Variants in TRAPPC10 observed in about 807,000 individuals in gnomAD.
TRAPPC10 encodes TRAPP 130 kDa subunit.
In TRAPPC10, 23 loss-of-function variants were observed where a neutral mutation model predicts 125.5. That is an observed-to-expected ratio of 0.18 (90% CI 0.13 to 0.26). The LOEUF is 0.26. TRAPPC10 is among the 10% of genes least tolerant of loss of function. TRAPPC10 has a pLI of 1.00. For synonymous variants in TRAPPC10, 509 were observed against 518.0 expected (o/e 0.98, Z 0.24); for missense variants, 1,123 against 1,308.4 (o/e 0.86, Z 2.19).
intron 7 of TRAPPC10, among the ~76,000 whole-genome samples, chr21:44,073,549 A>G (rs1035924533): frequency 5.9e-5 from 9 of 152,170 alleles, no homozygotes; most frequent in African/African-American, 1.7e-4. Context: ...TTTAAGTGGA[A>G]AGGCTCAAGT....
chr21:44,066,401 TTAAGAA>T (rs977786451), intron 7 of TRAPPC10, among the ~76,000 whole-genome samples: 1 of 152,226 alleles, frequency 6.6e-6, no homozygotes, highest in Middle Eastern at 3.4e-3. Context: ...GGAAAATGTG[TTAAGAA>T]TGGAGATTGT....
Position 44,063,218 on chromosome 21 carries a change from C to T in TRAPPC10, c.791-320C>T, listed in dbSNP as rs1218406695. The T allele has an allele frequency of 2.4e-6, 3 of 1,267,204 alleles. No homozygotes were observed. Among genetic ancestry groups the T allele is most frequent in the Admixed American group, 6.0e-5 (2 of 33,406 alleles). 78.5% of individuals were successfully genotyped at this position (1,267,204 alleles called of 1,614,324 possible). A position where few individuals can be genotyped will look rare whatever the true frequency, so the allele number is the denominator to read the frequency against. ...GCTGCAGCCTAAGACTAGAGCCCTC[C>T]CTCGGCCTGAGACAGAGCCTGAGCT... On this transcript the variant is annotated intron_variant, in intron 6 of 22. Transcript: ENST00000291574. This position sits in a 1 kb window ranked among gnomAD's most constrained non-coding sequence, Gnocchi z 4.4.
At chr21:44,036,577 C>T (rs2247400) in intron 2 of TRAPPC10, among the ~76,000 whole-genome samples, 54,120 of 152,068 alleles carry the variant, frequency 0.36, 14,937 homozygotes, top group African/African-American at 0.77. Context: ...TGTCATGATA[C>T]GGAGATAGGT....
rs373284344 is a variant in TRAPPC10, at chr21:44,015,835, A to C, written c.67+3275A>C. 3.8e-4 allele frequency among the ~76,000 whole-genome samples: 58 copies of C among 152,082 alleles called. 1 individual carries two copies. The highest frequency in any genetic ancestry group is 1.4e-3 in the African/African-American group (56 of 41,442). The stretch of plus-strand genomic sequence containing the variant: ...CACCTTGTTGGCCAGGCAGGTCTAG[A>C]ACTCCTGACCTCAGGTGACCTGCCC... On this transcript the variant is annotated intron_variant, in intron 1 of 22. Coordinates refer to ENST00000291574, the MANE Select transcript of TRAPPC10 (RefSeq NM_003274.5).
intron 6 of TRAPPC10, chr21:44,060,053 G>C (rs1431293300): frequency 6.5e-6 from 1 of 154,896 alleles, no homozygotes; most frequent in Non-Finnish European, 1.4e-5. Context: ...AGAACCTGGA[G>C]GGAGATGAAG....
Position 44,081,985 on chromosome 21 carries a change from G to T in TRAPPC10, c.1724-803G>T, listed in dbSNP as rs553276377. 3.9e-5 allele frequency among the ~76,000 whole-genome samples: 6 copies of T among 152,312 alleles called. No individual in the cohort carries two copies. The East Asian group carries it at 1.2e-3, about 29-fold the overall frequency. The stretch of plus-strand genomic sequence containing the variant: ...GCCCAAGCTGACTGTTGGTAGAGCC[G>T]TGACCACATCTGCTGCTGCTTTGTA... On this transcript the variant is annotated intron_variant, in intron 13 of 22. Transcript: ENST00000291574.
In TRAPPC10 at chr21:44,063,970, A is replaced by C. The variant is rs980784399; in HGVS notation, c.1038+185A>C. 1.3e-5 allele frequency among the ~76,000 whole-genome samples: 2 copies of C among 152,080 alleles called. No individual in the cohort carries two copies. The highest frequency in any genetic ancestry group is 2.9e-5 in the Non-Finnish European group (2 of 68,012). ...CGTTGATAAATTGCTCAAAAATAGA[A>C]CTCTGTTCTCAACATGCTGGAGTTT... is the stretch of plus-strand genomic sequence containing the variant. On this transcript the variant is annotated intron_variant, in intron 7 of 22. Transcript: ENST00000291574. This position sits in a 1 kb window ranked among gnomAD's most constrained non-coding sequence, Gnocchi z 4.4.
chr21:44,037,734 C>T (rs2034094230), intron 2 of TRAPPC10, 58 bp from the exon 3 acceptor site: 5 of 1,568,292 alleles, frequency 3.2e-6, no homozygotes, highest in Admixed American at 1.8e-5. Context: ...TCTATTTCCC[C>T]TCTTCTGATG....
At chr21:44,020,277 C>G (rs2032364314) in intron 1 of TRAPPC10, among the ~76,000 whole-genome samples, 1 of 151,918 alleles carries the variant, frequency 6.6e-6, no homozygotes, top group Non-Finnish European at 1.5e-5. Context: ...CAGGCGCCCA[C>G]CACCACACCT....
intron 1 of TRAPPC10, among the ~76,000 whole-genome samples, chr21:44,027,746 C>G (rs2033199450): frequency 6.6e-6 from 1 of 152,106 alleles, no homozygotes; most frequent in Admixed American, 6.6e-5. Context: ...AGCAGCTGTT[C>G]CATGACCCTA....
At chr21:44,039,185 G>T (rs1225071509) in intron 3 of TRAPPC10, among the ~76,000 whole-genome samples, 1 of 152,204 alleles carries the variant, frequency 6.6e-6, no homozygotes. Flanking sequence ...CTCACCCAGT[G>T]GTGATTCTTT....
intron 12 of TRAPPC10, 26 bp downstream of exon 12, chr21:44,079,730 A>C: frequency 6.3e-7 from 1 of 1,593,590 alleles, no homozygotes; most frequent in Non-Finnish European, 8.5e-7. Context: ...TTCATGAAGC[A>C]GGAAAATTAT....
intron 6 of TRAPPC10, chr21:44,060,274 T>TC (rs1214121147): frequency 1.1e-4 from 14 of 129,784 alleles, no homozygotes; most frequent in Non-Finnish European, 1.9e-4. Flanking sequence ...ATTTTATGTG[T>TC]CTTTTTTTTT....
At chr21:44,090,968 G>A (rs972142743) in intron 18 of TRAPPC10, among the ~76,000 whole-genome samples, 11 of 152,308 alleles carry the variant, frequency 7.2e-5, no homozygotes, top group East Asian at 1.9e-4. Context: ...CGAGGCAGGC[G>A]GATCACGAGG....
intron 3 of TRAPPC10, among the ~76,000 whole-genome samples, chr21:44,041,410 C>T (rs1190996336): frequency 6.6e-6 from 1 of 151,670 alleles, no homozygotes; most frequent in African/African-American, 2.4e-5. Flanking sequence ...GAGTTTCGCT[C>T]TTCTTGCCCA....
chr21:44,076,719 G>T, intron 10 of TRAPPC10, 91 bp downstream of exon 10: 1 of 1,134,580 alleles, frequency 8.8e-7, no homozygotes. Context: ...GAAGGAACTG[G>T]TGTGGGGGGC....
rs201619585 is a variant in TRAPPC10 at position 44,014,597 on chromosome 21, T to TTG, written c.67+2038_67+2039insGT. ...ATTTTTTGTTTGTTTGTTTTTGTTTTTTTTTTTTTTCAGTAGAGACAGAGT... is the reference window on the plus strand; with the variant it reads ...ATTTTTTGTTTGTTTGTTTTTGTTTTTGTTTTTTTTTTCAGTAGAGACAGAGT... On this transcript the variant is annotated intron_variant, in intron 1 of 22. Transcript: ENST00000291574. 6.4e-4 allele frequency among the ~76,000 whole-genome samples: 97 copies of TTG among 150,958 alleles called. 2 individuals carry two copies. The East Asian group carries it at 0.013, about 20-fold the overall frequency.
At chr21:44,039,962 A>G (rs537385158) in intron 3 of TRAPPC10, among the ~76,000 whole-genome samples, 5 of 152,358 alleles carry the variant, frequency 3.3e-5, no homozygotes, top group African/African-American at 1.2e-4. Context: ...TCTCACCAAC[A>G]TCAACACATC....
chr21:44,056,983 T>G (rs2035642821), intron 5 of TRAPPC10, among the ~76,000 whole-genome samples: 1 of 152,146 alleles, frequency 6.6e-6, no homozygotes, highest in Non-Finnish European at 1.5e-5. Context: ...AGTCTAAGAT[T>G]AGTTCAGAAT....
Sources: allele counts gnomAD v4.1 joint callset (sites outside exome capture counted in the v4.1 genomes callset), GRCh38; gene constraint gnomAD v4.1.1; non-coding constraint Gnocchi (gnomAD v3.1); transcripts MANE v1.5; gene names NCBI Gene and HGNC (gene_info 2026-07-23, HGNC 2026-07-21).